Variants in SERINC5 observed in about 807,000 individuals in gnomAD.
The protein encoded by SERINC5 is serine incorporator 5, also known as chromosome 5 open reading frame 12.
SERINC5 carries 41 observed loss-of-function variants against 63.1 expected under a neutral mutation model. The ratio of observed to expected loss-of-function variants is 0.65; its 90% CI spans 0.51 to 0.84. The LOEUF (loss-of-function observed/expected upper bound fraction) is 0.84, where lower values mean the gene tolerates loss of function less well. Among genes scored for constraint, SERINC5 ranks in the 40% least tolerant of loss-of-function variants. SERINC5 has a pLI of 0.00. For missense variants in SERINC5, 523 were observed against 573.0 expected, an observed-to-expected ratio of 0.91 and a Z score of 0.89; for synonymous variants, 222 against 215.2, an observed-to-expected ratio of 1.03 and a Z score of -0.28.
Position 80,250,834 on chromosome 5 carries a change from T to C in SERINC5, c.27+5062A>G, listed in dbSNP as rs371292540. ...GACCAACCCTTTGTAACTTTTCACT[T>C]TCCTGACTCTTGAGCCACCGCTCAC... On this transcript the variant is annotated intron_variant, in intron 1 of 11. Coordinates refer to ENST00000507668, the MANE Select transcript of SERINC5 (RefSeq NM_001174072.3). Among the ~76,000 whole-genome samples the C allele has an allele frequency of 3.3e-5, 5 of 152,236 alleles. No homozygotes were observed. In the South Asian group the frequency reaches 1.0e-3, roughly 32 times the overall value.
At chr5:80,171,800 G>C (rs147848037) in intron 5 of SERINC5, among the ~76,000 whole-genome samples, 1 of 152,190 alleles carries the variant, frequency 6.6e-6, no homozygotes, top group African/African-American at 2.4e-5. Context: ...AGGATTTCTT[G>C]AGCCTAGGAG....
At chr5:80,149,430 G>C (rs1468258393) in intron 9 of SERINC5, among the ~76,000 whole-genome samples, 4 of 152,164 alleles carry the variant, frequency 2.6e-5, no homozygotes, top group Admixed American at 2.6e-4. Flanking sequence ...CAGGTCAGGT[G>C]CAAGAGAGAC....
Position 80,139,253 on chromosome 5 carries a change from C to A in SERINC5, c.*4410G>T. 1 of 971,190 alleles carries A rather than the reference C, an allele frequency of 1.0e-6. No homozygotes were observed. The highest frequency in any genetic ancestry group is 1.2e-6 in the Non-Finnish European group (1 of 817,074). The allele number at this position is 971,190 out of a possible 1,614,324, so 60.2% of individuals were successfully genotyped here. ...TTTTGCAAAGTAAAAAGGCTTAAAT[C>A]TTTAATAAAGGAAAACAAAACAATC... On this transcript the variant is annotated 3_prime_UTR_variant, in exon 12 of 12. Transcript: ENST00000507668.
chr5:80,153,785 T>A (rs1436977306), intron 8 of SERINC5, among the ~76,000 whole-genome samples: 2 of 149,550 alleles, frequency 1.3e-5, no homozygotes, highest in Non-Finnish European at 3.0e-5. Flanking sequence ...ATGCCAGCAG[T>A]GCTCTGCAGT....
chr5:80,233,805 C>CCTTT lies in SERINC5; in HGVS notation c.27+22090_27+22091insAAAG, dbSNP rs1554071351. ...TATTTTATAGATCTTTCAACTTTTA[C>CCTTT]TTTTTTTTTTTTTTTTTTTTTTTTG... On this transcript the variant is annotated intron_variant, in intron 1 of 11. Coordinates refer to ENST00000507668, the MANE Select transcript of SERINC5 (RefSeq NM_001174072.3). Among the ~76,000 whole-genome samples, 107 of 69,928 alleles carry CCTTT rather than the reference C, an allele frequency of 1.5e-3. 2 individuals carry two copies. The highest frequency in any genetic ancestry group is 0.015 in the Middle Eastern group (1 of 68). The allele number at this position is 69,928 out of a possible 152,430, so 45.9% of individuals were successfully genotyped here.
intron 11 of SERINC5, 82 bp downstream of exon 11, chr5:80,146,008 T>G (rs946831707): frequency 1.5e-5 from 22 of 1,480,384 alleles, no homozygotes; most frequent in Admixed American, 5.3e-5. Context: ...AGACTCCTTC[T>G]CAAACAAACA....
chr5:80,209,312 G>C (rs908856354), intron 1 of SERINC5, among the ~76,000 whole-genome samples: 6 of 152,130 alleles, frequency 3.9e-5, no homozygotes, highest in Admixed American at 2.6e-4. Context: ...CCACTGGGGT[G>C]GTCCCTAATC....
chr5:80,230,973 G>C (rs773582831), intron 1 of SERINC5, among the ~76,000 whole-genome samples: 19 of 149,520 alleles, frequency 1.3e-4, no homozygotes, highest in South Asian at 2.1e-4. Flanking sequence ...CTACCAACCT[G>C]GCTAATATTT....
intron 6 of SERINC5, among the ~76,000 whole-genome samples, chr5:80,169,034 G>A (rs937561958): frequency 3.9e-5 from 6 of 152,150 alleles, no homozygotes; most frequent in African/African-American, 9.7e-5. Flanking sequence ...TGATATACAC[G>A]GAAGGCATTT....
In SERINC5 at chr5:80,142,099, C is replaced by T; in HGVS notation, c.*1564G>A. 6.1e-6 allele frequency: 6 copies of T among 985,426 alleles called. No individual in the cohort carries two copies. Among genetic ancestry groups the T allele is most frequent in the Non-Finnish European group, 7.2e-6 (6 of 829,932 alleles). The allele number at this position is 985,426 out of a possible 1,614,324, so 61.0% of individuals were successfully genotyped here. ...AAATGACTAGGCTGAGCCTTTTATT[C>T]TTAGATCCTCACTTACAGAGAGCTC... On this transcript the variant is annotated 3_prime_UTR_variant, in exon 12 of 12. Coordinates refer to ENST00000507668, the MANE Select transcript of SERINC5 (RefSeq NM_001174072.3).
intron 7 of SERINC5, 61 bp from the exon 8 acceptor site, chr5:80,159,023 A>G (rs1746718420): frequency 1.3e-6 from 2 of 1,591,078 alleles, no homozygotes; most frequent in African/African-American, 1.3e-5. Flanking sequence ...AACGCACAGA[A>G]GCACTCATTT....
intron 5 of SERINC5, among the ~76,000 whole-genome samples, chr5:80,173,907 C>T (rs1180678433): frequency 6.6e-6 from 1 of 152,038 alleles, no homozygotes; most frequent in South Asian, 2.1e-4. Context: ...ACACTCGACA[C>T]CTAAAGCCCT....
rs983377627 is a variant in SERINC5, at chr5:80,156,997, T to TTC, written c.986+1838_986+1839insGA. 6 of 137,758 alleles carry TTC rather than the reference T, an allele frequency of 4.4e-5. No individual in the cohort carries two copies. In the East Asian group the frequency reaches 8.3e-4, roughly 19 times the overall value. 8.5% of individuals were successfully genotyped at this position (137,758 alleles called of 1,614,324 possible). On this transcript the variant is annotated intron_variant, in intron 8 of 11. Transcript: ENST00000507668. ...TATTTAAAGGGTTTTTTTTTTCTTTTTTTTTTTTTTTTTTGAAATACAGTT... is the reference window on the plus strand; with the variant it reads ...TATTTAAAGGGTTTTTTTTTTCTTTTTCTTTTTTTTTTTTTTGAAATACAGTT...
At chr5:80,192,740 C>T (rs1749266313) in intron 2 of SERINC5, among the ~76,000 whole-genome samples, 1 of 152,156 alleles carries the variant, frequency 6.6e-6, no homozygotes, top group African/African-American at 2.4e-5. Flanking sequence ...CACCAGAATA[C>T]CCAACCCCTT....
intron 11 of SERINC5, among the ~76,000 whole-genome samples, chr5:80,114,332 G>A (rs1455258315): frequency 6.6e-6 from 1 of 151,990 alleles, no homozygotes; most frequent in Non-Finnish European, 1.5e-5. Flanking sequence ...AAGAGAAAGA[G>A]CATGTAGAAG....
At chr5:80,190,332 C>T (rs1403801474) in intron 2 of SERINC5, among the ~76,000 whole-genome samples, 5 of 152,016 alleles carry the variant, frequency 3.3e-5, no homozygotes, top group Non-Finnish European at 5.9e-5. Context: ...AGGCTGGTCT[C>T]GAACTCTTGG....
At chr5:80,209,017 T>A (rs2112507846) in intron 1 of SERINC5, among the ~76,000 whole-genome samples, 1 of 152,266 alleles carries the variant, frequency 6.6e-6, no homozygotes, top group Middle Eastern at 3.4e-3. Context: ...ACGCATGTAA[T>A]CCCAACTCCC....
chr5:80,203,956 C>T (rs1039321835), intron 1 of SERINC5, among the ~76,000 whole-genome samples: 5 of 152,122 alleles, frequency 3.3e-5, no homozygotes, highest in Admixed American at 3.3e-4. Context: ...TAATCAGCCG[C>T]ATGTACATAA....
intron 7 of SERINC5, among the ~76,000 whole-genome samples, chr5:80,162,039 C>A (rs754186909): frequency 2.0e-5 from 3 of 152,190 alleles, no homozygotes; most frequent in Admixed American, 6.5e-5. Flanking sequence ...GGCTTTACTT[C>A]TGGGTTCTCT....
Sources: gnomAD v4.1 joint callset for allele counts (sites outside exome capture counted in the v4.1 genomes callset) on GRCh38, gnomAD v4.1.1 for gene constraint, MANE v1.5 for transcripts, NCBI Gene and HGNC (gene_info 2026-07-23, HGNC 2026-07-21) for gene names.